RNU2-2: variants seen among roughly 807,000 people sequenced by gnomAD.
RNU2-2 encodes the protein RNA, U2 small nuclear 2, also known as RNA, U2 small nuclear 2, pseudogene.
At chr11:62,841,808 A>G in the RNU2-2 span, 1 of 152,264 alleles carries the variant, frequency 6.6e-6, no homozygotes, top group East Asian at 1.9e-4. Flanking sequence ...CCGAGAAGCG[A>G]TACCTTTACT....
chr11:62,841,680 A>T, the RNU2-2 span: 1 of 152,006 alleles, frequency 6.6e-6, no homozygotes, highest in Non-Finnish European at 1.5e-5. Flanking sequence ...TGGACGGAGC[A>T]AGCTCCTATT....
chr11:62,841,693 A>G, the RNU2-2 span: 4 of 152,170 alleles, frequency 2.6e-5, no homozygotes, highest in Admixed American at 6.5e-5. Context: ...CTCCTATTCC[A>G]TCTCCTATTT....
chr11:62,841,663 C>CGTGGA, the RNU2-2 span: 1 of 152,216 alleles, frequency 6.6e-6, no homozygotes, highest in Non-Finnish European at 1.5e-5. Context: ...CAGGTCGATG[C>CGTGGA]GTGGAGTGGA....
the RNU2-2 span, chr11:62,841,622 GAGTGCACCGTTCCTGGA>G: frequency 6.6e-6 from 1 of 152,224 alleles, no homozygotes; most frequent in Admixed American, 6.5e-5. Flanking sequence ...CCCGAAGGGA[GAGTGCACCGTTCCTGGA>G]AGTACTGCAA....
the RNU2-2 span, chr11:62,841,657 T>G: frequency 7.9e-5 from 12 of 152,224 alleles, no homozygotes; most frequent in African/African-American, 2.2e-4. Flanking sequence ...CAATACCAGG[T>G]CGATGCGTGG....
At chr11:62,841,796 G>A in the RNU2-2 span, 10 of 152,128 alleles carry the variant, frequency 6.6e-5, no homozygotes, top group South Asian at 2.1e-4. Context: ...TTAGCCAAAA[G>A]GCCGAGAAGC....
At chr11:62,841,767 A>G in the RNU2-2 span, 2 of 152,342 alleles carry the variant, frequency 1.3e-5, no homozygotes, top group Non-Finnish European at 1.5e-5. Flanking sequence ...ACTGATAAGA[A>G]CAGATACTAC....
the RNU2-2 span, chr11:62,841,791 C>T: frequency 6.6e-6 from 1 of 152,204 alleles, no homozygotes; most frequent in African/African-American, 2.4e-5. Flanking sequence ...TGATCTTAGC[C>T]AAAAGGCCGA....
chr11:62,841,706 A>AT, the RNU2-2 span: 5 of 152,240 alleles, frequency 3.3e-5, no homozygotes, highest in Non-Finnish European at 7.3e-5. Flanking sequence ...TCCTATTTCC[A>AT]AAAATCCATT....
chr11:62,841,747 C>G, the RNU2-2 span: 1 of 152,144 alleles, frequency 6.6e-6, no homozygotes, highest in African/African-American at 2.4e-5. Flanking sequence ...GAGGACGTAT[C>G]AGATATTAAA....
the RNU2-2 span, chr11:62,841,660 A>C: frequency 6.6e-6 from 1 of 152,246 alleles, no homozygotes. Flanking sequence ...TACCAGGTCG[A>C]TGCGTGGAGT....
chr11:62,841,705 C>A, the RNU2-2 span: 1 of 152,276 alleles, frequency 6.6e-6, no homozygotes, highest in Non-Finnish European at 1.5e-5. Context: ...CTCCTATTTC[C>A]AAAAATCCAT....
At chr11:62,841,707 A>G in the RNU2-2 span, 4 of 152,246 alleles carry the variant, frequency 2.6e-5, no homozygotes, top group Non-Finnish European at 1.5e-5. Context: ...CCTATTTCCA[A>G]AAATCCATTT....
the RNU2-2 span, chr11:62,841,712 C>CCATTT: frequency 6.6e-6 from 1 of 152,200 alleles, no homozygotes; most frequent in Admixed American, 6.5e-5. Context: ...TTCCAAAAAT[C>CCATTT]CATTTAATAT....
the RNU2-2 span, chr11:62,841,752 A>G: frequency 6.6e-5 from 10 of 152,224 alleles, no homozygotes; most frequent in East Asian, 3.8e-4. Flanking sequence ...CGTATCAGAT[A>G]TTAAACTGAT....
At chr11:62,841,748 A>C in the RNU2-2 span, 1 of 152,336 alleles carries the variant, frequency 6.6e-6, no homozygotes, top group South Asian at 2.1e-4. Flanking sequence ...AGGACGTATC[A>C]GATATTAAAC....
At chr11:62,841,743 G>T in the RNU2-2 span, 1 of 152,164 alleles carries the variant, frequency 6.6e-6, no homozygotes, top group East Asian at 1.9e-4. Flanking sequence ...GATAGAGGAC[G>T]TATCAGATAT....
At chr11:62,841,743 G>C in the RNU2-2 span, 6 of 152,164 alleles carry the variant, frequency 3.9e-5, no homozygotes, top group Admixed American at 6.5e-5. Context: ...GATAGAGGAC[G>C]TATCAGATAT....
At chr11:62,841,738 A>T in the RNU2-2 span, 1 of 152,182 alleles carries the variant, frequency 6.6e-6, no homozygotes, top group Admixed American at 6.5e-5. Context: ...CCTCGGATAG[A>T]GGACGTATCA....
Sources: gnomAD v4.1 joint callset for allele counts on GRCh38, gnomAD v4.1.1 for gene constraint, MANE v1.5 for transcripts, NCBI Gene and HGNC (gene_info 2026-07-23, HGNC 2026-07-21) for gene names.